CAST: variants seen among roughly 807,000 people sequenced by gnomAD.
CAST encodes MIR583 host.
CAST carries 76 observed loss-of-function variants against 119.6 expected under a neutral mutation model. The ratio of observed to expected loss-of-function variants is 0.64; its 90% CI spans 0.53 to 0.77. The LOEUF is 0.77. Among genes scored for constraint, CAST ranks in the 30% least tolerant of loss-of-function variants. The pLI, the probability that CAST is intolerant of heterozygous loss-of-function variation, is 0.00. For synonymous variants in CAST, 319 were observed against 331.6 expected (o/e 0.96, Z 0.41); for missense variants, 953 against 946.5 (o/e 1.01, Z -0.09).
the CAST span, among the ~76,000 whole-genome samples, chr5:96,247,580 A>G: frequency 6.6e-6 from 1 of 152,258 alleles, no homozygotes; most frequent in Non-Finnish European, 1.5e-5. Context: ...AGCAAGTGCA[A>G]GTCAGAACAC....
chr5:96,241,512 C>T, the CAST span, among the ~76,000 whole-genome samples: 16 of 149,520 alleles, frequency 1.1e-4, no homozygotes, highest in South Asian at 4.4e-4. Flanking sequence ...TGAATAATGC[C>T]GCAATAAACA....
intron 3 of CAST, among the ~76,000 whole-genome samples, chr5:96,709,386 C>G (rs1391535712): frequency 1.3e-5 from 2 of 152,232 alleles, no homozygotes; most frequent in Non-Finnish European, 2.9e-5. Flanking sequence ...CCCCGTGAGT[C>G]ATTCTGTCTC....
chr5:96,054,775 T>C, the CAST span, among the ~76,000 whole-genome samples: 739 of 152,268 alleles, frequency 4.9e-3, 7 homozygotes, highest in African/African-American at 0.016. Flanking sequence ...ATCTACAAAG[T>C]TGGTGGAAGA....
At chr5:96,739,986 A>G in intron 11 of CAST, 52 bp from the exon 12 acceptor site, 1 of 827,218 alleles carries the variant, frequency 1.2e-6, no homozygotes, top group Non-Finnish European at 2.0e-6. Flanking sequence ...TGCATATAGC[A>G]TTGTCAGGTA....
At chr5:96,248,748 A>T in the CAST span, among the ~76,000 whole-genome samples, 2 of 152,268 alleles carry the variant, frequency 1.3e-5, no homozygotes, top group South Asian at 4.1e-4. Context: ...CAACTTTTAC[A>T]TATTCATAGT....
the CAST span, among the ~76,000 whole-genome samples, chr5:96,467,683 GCCC>G: frequency 6.6e-6 from 1 of 150,810 alleles, no homozygotes; most frequent in Non-Finnish European, 1.5e-5. Flanking sequence ...AAATCTGTGT[GCCC>G]TTACTCAAGT....
chr5:96,561,796 G>GTTTTT (rs11375615), intron 1 of CAST, among the ~76,000 whole-genome samples: 12 of 97,392 alleles, frequency 1.2e-4, no homozygotes, highest in South Asian at 4.3e-4. Flanking sequence ...GTTTTTTTTT[G>GTTTTT]TTTTTTTTTT....
At chr5:96,346,194 A>C in the CAST span, among the ~76,000 whole-genome samples, 1 of 152,164 alleles carries the variant, frequency 6.6e-6, no homozygotes, top group Non-Finnish European at 1.5e-5. Context: ...TAAAGGAATA[A>C]AAAATTTTGA....
the CAST span, among the ~76,000 whole-genome samples, chr5:96,116,688 G>C: frequency 2.0e-5 from 3 of 151,990 alleles, no homozygotes; most frequent in Non-Finnish European, 4.4e-5. Context: ...ATCTTTCTTA[G>C]GCTTATTGTT....
At chr5:96,705,599 G>A (rs1175542379) in intron 3 of CAST, among the ~76,000 whole-genome samples, 1 of 152,014 alleles carries the variant, frequency 6.6e-6, no homozygotes, top group Non-Finnish European at 1.5e-5. Flanking sequence ...ATTAGAAGGT[G>A]ACTGTAATAG....
the CAST span, among the ~76,000 whole-genome samples, chr5:96,127,672 AT>A: frequency 1.3e-5 from 2 of 152,002 alleles, no homozygotes; most frequent in African/African-American, 4.8e-5. Flanking sequence ...TCCTTTAAAA[AT>A]TTTTTTCCTA....
the CAST span, among the ~76,000 whole-genome samples, chr5:96,474,812 G>T: frequency 6.6e-6 from 1 of 152,200 alleles, no homozygotes; most frequent in Admixed American, 6.5e-5. Context: ...ATACCGTCTT[G>T]GATATCTCGA....
At chr5:96,624,315 G>A (rs1360171646) in intron 1 of CAST, among the ~76,000 whole-genome samples, 1 of 152,168 alleles carries the variant, frequency 6.6e-6, no homozygotes, top group Non-Finnish European at 1.5e-5. Context: ...TAAGCACATG[G>A]CATTGAACAA....
the CAST span, among the ~76,000 whole-genome samples, chr5:96,469,879 AAT>A: frequency 5.6e-5 from 6 of 107,418 alleles, no homozygotes; most frequent in African/African-American, 1.8e-4. Flanking sequence ...ATATATATAT[AAT>A]ATATATATAC....
At chr5:96,507,756 A>G in the CAST span, among the ~76,000 whole-genome samples, 1 of 152,164 alleles carries the variant, frequency 6.6e-6, no homozygotes, top group African/African-American at 2.4e-5. Context: ...TAGGCTTTCC[A>G]GTAATTATGA....
At chr5:96,241,742 T>G in the CAST span, among the ~76,000 whole-genome samples, 448 of 148,410 alleles carry the variant, frequency 3.0e-3, 4 homozygotes, top group African/African-American at 0.01. Flanking sequence ...GCTGACTTTT[T>G]AATGATTGCC....
chr5:96,706,298 AC>A (rs1295433600), intron 3 of CAST, among the ~76,000 whole-genome samples: 4 of 152,146 alleles, frequency 2.6e-5, no homozygotes, highest in Admixed American at 1.3e-4. Context: ...TGAGCAAGGA[AC>A]CCTTTTTTCT....
intron 1 of CAST, among the ~76,000 whole-genome samples, chr5:96,587,292 T>C (rs1746877973): frequency 6.6e-6 from 1 of 152,186 alleles, no homozygotes; most frequent in South Asian, 2.1e-4. Flanking sequence ...AGCATGTGCC[T>C]AGAGTTTGCA....
At chr5:96,361,028 G>T in the CAST span, among the ~76,000 whole-genome samples, 2 of 152,206 alleles carry the variant, frequency 1.3e-5, no homozygotes, top group Non-Finnish European at 2.9e-5. Flanking sequence ...GAGATGCCCT[G>T]CCCAGAGAGG....
Sources: gnomAD v4.1 joint callset for allele counts (sites outside exome capture counted in the v4.1 genomes callset) on GRCh38, gnomAD v4.1.1 for gene constraint, MANE v1.5 for transcripts, NCBI Gene and HGNC (gene_info 2026-07-23, HGNC 2026-07-21) for gene names.